The following ARHGAP32 variants were observed in gnomAD, a reference collection of about 807,000 sequenced individuals.
The protein encoded by ARHGAP32 is Rho GTPase activating protein 32.
Under a neutral mutation model 186.5 loss-of-function variants are expected in ARHGAP32, and 51 were observed. That is an observed-to-expected ratio of 0.27 (90% CI 0.22 to 0.35). The LOEUF (loss-of-function observed/expected upper bound fraction) is 0.35. Ranked by LOEUF, ARHGAP32 falls within the 10% of genes least tolerant of loss-of-function variation. The pLI is 1.00. For synonymous variants in ARHGAP32, 950 were observed against 964.3 expected (o/e 0.99, Z 0.27); for missense variants, 2,186 against 2,623.5 (o/e 0.83, Z 3.64).
chr11:129,196,274 T>C (rs1490900593), upstream of ARHGAP32, among the ~76,000 whole-genome samples: 1 of 152,210 alleles, frequency 6.6e-6, no homozygotes, highest in African/African-American at 2.4e-5. Flanking sequence ...GCATGGGTTC[T>C]GCATCCATGA....
chr11:129,247,656 T>C (rs1445167244), intron 1 of ARHGAP32, among the ~76,000 whole-genome samples: 2 of 152,222 alleles, frequency 1.3e-5, no homozygotes, highest in African/African-American at 4.8e-5. Context: ...TTGAAGCACA[T>C]TTTTAAAACA....
chr11:129,150,933 TA>T (rs1177863265), intron 2 of ARHGAP32, among the ~76,000 whole-genome samples: 8,824 of 139,078 alleles, frequency 0.063, 262 homozygotes, highest in African/African-American at 0.082. Flanking sequence ...CAGAATGAAT[TA>T]AAAAAAAAAA....
At chr11:129,244,070 C>G (rs893531918) in intron 1 of ARHGAP32, among the ~76,000 whole-genome samples, 1 of 152,150 alleles carries the variant, frequency 6.6e-6, no homozygotes, top group African/African-American at 2.4e-5. Context: ...TAATAAAATA[C>G]AACAGCAGTT....
At chr11:129,109,910 T>C (rs1942158527) in intron 5 of ARHGAP32, among the ~76,000 whole-genome samples, 2 of 152,176 alleles carry the variant, frequency 1.3e-5, no homozygotes, top group Non-Finnish European at 2.9e-5. Context: ...TCAGAGACTC[T>C]GTCGATTGTT....
chr11:129,144,287 T>A (rs911047313), intron 2 of ARHGAP32, among the ~76,000 whole-genome samples: 1 of 152,170 alleles, frequency 6.6e-6, no homozygotes, highest in East Asian at 1.9e-4. Flanking sequence ...AGTTCAGGTA[T>A]GAGTCTCCAC....
At chr11:129,233,368 C>T (rs1420588568) in intron 1 of ARHGAP32, among the ~76,000 whole-genome samples, 1 of 151,812 alleles carries the variant, frequency 6.6e-6, no homozygotes, top group Non-Finnish European at 1.5e-5. Context: ...TGAGAATTTC[C>T]ATAATAAAAA....
At chr11:128,990,761 T>C (rs1407957219) in intron 12 of ARHGAP32, among the ~76,000 whole-genome samples, 1 of 152,216 alleles carries the variant, frequency 6.6e-6, no homozygotes, top group Non-Finnish European at 1.5e-5. Context: ...GTTTCAATTC[T>C]AAAAACTGGA....
chr11:129,146,653 A>T (rs1221493627), intron 2 of ARHGAP32, among the ~76,000 whole-genome samples: 2 of 152,180 alleles, frequency 1.3e-5, no homozygotes, highest in Non-Finnish European at 1.5e-5. Context: ...AAGAGTACAT[A>T]ACCATAAATT....
intron 1 of ARHGAP32, among the ~76,000 whole-genome samples, chr11:129,267,476 TTA>T (rs1318251333): frequency 6.6e-6 from 1 of 152,138 alleles, no homozygotes; most frequent in African/African-American, 2.4e-5. Flanking sequence ...CATTTTCTAT[TTA>T]TCAGTTAACT....
At chr11:129,032,291 G>A (rs1939148177) in intron 11 of ARHGAP32, among the ~76,000 whole-genome samples, 1 of 152,202 alleles carries the variant, frequency 6.6e-6, no homozygotes, top group African/African-American at 2.4e-5. Context: ...GCTCCTACCA[G>A]TTGCCCAGAG....
chr11:129,090,284 A>G (rs1301864168), intron 6 of ARHGAP32, among the ~76,000 whole-genome samples: 5 of 152,238 alleles, frequency 3.3e-5, no homozygotes, highest in Non-Finnish European at 7.3e-5. Context: ...TGGAATTTCA[A>G]GCATGAGAAC....
intron 5 of ARHGAP32, among the ~76,000 whole-genome samples, chr11:129,115,120 C>A (rs1942330086): frequency 6.6e-6 from 1 of 152,090 alleles, no homozygotes; most frequent in East Asian, 1.9e-4. Flanking sequence ...TCTTTCACCT[C>A]ACAGCCTGTG....
At position 129,064,853 on chromosome 11, in the gene ARHGAP32, A is replaced by G; in HGVS notation, c.750T>C (p.Leu250=). ...AGNKINCGPA[L]TWMEIDNKGN... is the part of the protein sequence containing the mutation. ...AATTAGGAAATACCTCCATCCAGGT[A>G]AGGGCGGGCCCACAGTTGATCTTGT... The change falls in exon 8 of 23, where the codon CTT becomes CTC. Residue 250 remains leucine, a synonymous_variant. Coordinates refer to ENST00000682385, the MANE Select transcript of ARHGAP32 (RefSeq NM_001378024.1). 1 of 1,593,790 alleles carries G rather than the reference A, an allele frequency of 6.3e-7. No homozygotes were observed. The highest frequency in any genetic ancestry group is 8.5e-7 in the Non-Finnish European group (1 of 1,169,792).
chr11:129,172,674 C>T (rs559017055), intron 1 of ARHGAP32, among the ~76,000 whole-genome samples: 2 of 152,256 alleles, frequency 1.3e-5, no homozygotes, highest in Non-Finnish European at 2.9e-5. Flanking sequence ...GGAAATTGAA[C>T]AACCTGCTCC....
intron 11 of ARHGAP32, among the ~76,000 whole-genome samples, chr11:129,028,796 T>G (rs1387957832): frequency 6.6e-6 from 1 of 152,052 alleles, no homozygotes; most frequent in East Asian, 1.9e-4. Flanking sequence ...ATGGAAGAAG[T>G]GGATTCTGGC....
At chr11:129,170,428 G>C (rs1204264722) in intron 1 of ARHGAP32, among the ~76,000 whole-genome samples, 1 of 152,104 alleles carries the variant, frequency 6.6e-6, no homozygotes, top group African/African-American at 2.4e-5. Flanking sequence ...ACAACATGCA[G>C]TGTTTGGTTT....
At chr11:129,104,005 A>T (rs1941978486) in intron 5 of ARHGAP32, among the ~76,000 whole-genome samples, 1 of 152,136 alleles carries the variant, frequency 6.6e-6, no homozygotes, top group African/African-American at 2.4e-5. Flanking sequence ...TAACATCTCA[A>T]CAGTAACAGA....
At chr11:129,203,594 T>G (rs1944481854) in intron 1 of ARHGAP32, among the ~76,000 whole-genome samples, 1 of 151,740 alleles carries the variant, frequency 6.6e-6, no homozygotes, top group African/African-American at 2.4e-5. Flanking sequence ...TTGAGAATTC[T>G]TAAACATAAT....
intron 1 of ARHGAP32, among the ~76,000 whole-genome samples, chr11:129,247,707 T>C (rs1945120101): frequency 6.6e-6 from 1 of 152,212 alleles, no homozygotes; most frequent in Admixed American, 6.5e-5. Context: ...CTTTGCATTC[T>C]AGTAGAAATG....
Sources: gnomAD v4.1 joint callset for allele counts (sites outside exome capture counted in the v4.1 genomes callset) on GRCh38, gnomAD v4.1.1 for gene constraint, MANE v1.5 for transcripts, NCBI Gene and HGNC (gene_info 2026-07-23, HGNC 2026-07-21) for gene names.